FHIT: variants seen among roughly 807,000 people sequenced by gnomAD.
FHIT encodes fragile histidine triad diadenosine triphosphatase.
FHIT carries 19 observed loss-of-function variants against 17.9 expected under a neutral mutation model. That is an observed-to-expected ratio of 1.06 (90% CI 0.74 to 1.56). The LOEUF is 1.56. Among genes scored for constraint, FHIT ranks in the 40% most tolerant of loss-of-function variants. FHIT has a pLI of 0.00. For synonymous variants in FHIT, 81 were observed against 69.7 expected (o/e 1.16, Z -0.81); for missense variants, 248 against 189.2 (o/e 1.31, Z -1.82).
chr3:60,539,837 C>G (rs983716039), intron 4 of FHIT, among the ~76,000 whole-genome samples: 1 of 151,606 alleles, frequency 6.6e-6, no homozygotes, highest in African/African-American at 2.4e-5. Flanking sequence ...ATATACCTAA[C>G]GTGAATGACA....
At chr3:60,851,327 G>T (rs1297702024) in intron 3 of FHIT, among the ~76,000 whole-genome samples, 1 of 152,012 alleles carries the variant, frequency 6.6e-6, no homozygotes, top group Non-Finnish European at 1.5e-5. Flanking sequence ...TTTGATCAAG[G>T]ATCAGATGAA....
chr3:59,939,301 A>T (rs961126376), intron 7 of FHIT, among the ~76,000 whole-genome samples: 1 of 152,152 alleles, frequency 6.6e-6, no homozygotes, highest in African/African-American at 2.4e-5. Flanking sequence ...TGGCTCACAC[A>T]GACTGGCCAT....
In FHIT at chr3:60,380,553, A is replaced by G. The variant is rs1700756057; in HGVS notation, c.103+156307T>C. Among the ~76,000 whole-genome samples the G allele has an allele frequency of 4.6e-5, 7 of 152,326 alleles. No individual in the cohort carries two copies. The South Asian group carries it at 1.0e-3, about 23-fold the overall frequency. On this transcript the variant is annotated intron_variant, in intron 5 of 9. Transcript: ENST00000492590. ...ATACTGAGACTCACAGTAACTTCTGAAGGTTGTACAACCTTATGGGAAAAA... is the reference window on the plus strand; with the variant it reads ...ATACTGAGACTCACAGTAACTTCTGGAGGTTGTACAACCTTATGGGAAAAA...
intron 4 of FHIT, among the ~76,000 whole-genome samples, chr3:60,605,058 A>G (rs1382647926): frequency 3.9e-5 from 6 of 152,126 alleles, no homozygotes; most frequent in Middle Eastern, 3.2e-3. Context: ...ATGCTTAAGT[A>G]TGTACCTTTG....
At chr3:60,580,270 T>C (rs1553659271) in intron 4 of FHIT, among the ~76,000 whole-genome samples, 1 of 152,164 alleles carries the variant, frequency 6.6e-6, no homozygotes, top group African/African-American at 2.4e-5. Flanking sequence ...GTCACGTTAA[T>C]GACAACTTCA....
intron 4 of FHIT, among the ~76,000 whole-genome samples, chr3:60,803,247 C>T (rs1575544925): frequency 6.6e-6 from 1 of 152,160 alleles, no homozygotes; most frequent in Non-Finnish European, 1.5e-5. Context: ...CTGGTGTGTG[C>T]ACCGCATGAT....
chr3:60,466,864 G>C (rs1597103), intron 5 of FHIT, among the ~76,000 whole-genome samples: 6,785 of 130,496 alleles, frequency 0.052, 521 homozygotes, highest in African/African-American at 0.17. Context: ...TCTGGTTTTT[G>C]TATCAGGGTG....
chr3:61,094,189 G>A (rs1235322410), intron 2 of FHIT, among the ~76,000 whole-genome samples: 2 of 151,956 alleles, frequency 1.3e-5, no homozygotes, highest in African/African-American at 4.8e-5. Context: ...CGCATCACTG[G>A]GTTAGAGGTA....
chr3:60,239,048 T>C (rs978834871), intron 5 of FHIT, among the ~76,000 whole-genome samples: 4 of 152,310 alleles, frequency 2.6e-5, no homozygotes, highest in Non-Finnish European at 2.9e-5. Flanking sequence ...CCCAGGTCTG[T>C]TGCACACTGC....
chr3:60,627,818 G>A (rs1222936724), intron 4 of FHIT, among the ~76,000 whole-genome samples: 1 of 152,190 alleles, frequency 6.6e-6, no homozygotes, highest in African/African-American at 2.4e-5. Flanking sequence ...CACTGCGCCT[G>A]GCCAGGTCCC....
chr3:60,570,468 G>T (rs912347222), intron 4 of FHIT, among the ~76,000 whole-genome samples: 1 of 152,030 alleles, frequency 6.6e-6, no homozygotes, highest in East Asian at 1.9e-4. Context: ...GAGGAGATAA[G>T]AACCTGTAAC....
intron 4 of FHIT, among the ~76,000 whole-genome samples, chr3:60,742,387 G>C (rs1553714094): frequency 6.6e-6 from 1 of 152,066 alleles, no homozygotes; most frequent in East Asian, 1.9e-4. Flanking sequence ...AGAAAGCAGG[G>C]GAAGAGCATG....
intron 5 of FHIT, among the ~76,000 whole-genome samples, chr3:60,488,882 TATA>T (rs1314765806): frequency 2.0e-5 from 3 of 152,200 alleles, no homozygotes; most frequent in Non-Finnish European, 4.4e-5. Context: ...AACATGAAAC[TATA>T]ATATTTTGCT....
intron 2 of FHIT, among the ~76,000 whole-genome samples, chr3:61,167,890 T>C (rs2037888602): frequency 1.3e-5 from 2 of 152,092 alleles, no homozygotes; most frequent in Non-Finnish European, 2.9e-5. Context: ...GGAAACCCAA[T>C]TTCAGTGAGG....
chr3:61,213,590 A>T (rs2039564001), intron 1 of FHIT, among the ~76,000 whole-genome samples: 1 of 152,234 alleles, frequency 6.6e-6, no homozygotes, highest in African/African-American at 2.4e-5. Context: ...AACATTAGAC[A>T]GATCAACAAG....
At chr3:60,850,921 C>A (rs1298190046) in intron 3 of FHIT, among the ~76,000 whole-genome samples, 1 of 152,144 alleles carries the variant, frequency 6.6e-6, no homozygotes, top group Non-Finnish European at 1.5e-5. Flanking sequence ...AATGTCCCCA[C>A]ATACCTATAA....
At chr3:60,874,521 G>A (rs1233712042) in intron 3 of FHIT, among the ~76,000 whole-genome samples, 3 of 152,162 alleles carry the variant, frequency 2.0e-5, no homozygotes, top group African/African-American at 7.2e-5. Flanking sequence ...ATTGCCATAT[G>A]TAGTCATTAG....
intron 5 of FHIT, among the ~76,000 whole-genome samples, chr3:60,412,001 C>T (rs936445714): frequency 1.3e-5 from 2 of 151,836 alleles, no homozygotes; most frequent in African/African-American, 4.8e-5. Flanking sequence ...TTTTCTCTTG[C>T]CTGGGGTGGG....
At chr3:60,794,328 G>T (rs57394873) in intron 4 of FHIT, among the ~76,000 whole-genome samples, 19,972 of 152,048 alleles carry the variant, frequency 0.13, 1,878 homozygotes, top group African/African-American at 0.26. Flanking sequence ...ATAGAGAGAT[G>T]ATAGATTAGA....
Sources: allele counts gnomAD v4.1 joint callset (sites outside exome capture counted in the v4.1 genomes callset), GRCh38; gene constraint gnomAD v4.1.1; transcripts MANE v1.5; gene names NCBI Gene and HGNC (gene_info 2026-07-23, HGNC 2026-07-21).